Variants in SEC14L3 observed in about 807,000 individuals in gnomAD.
SEC14L3 encodes the protein SEC14-like protein 3.
A neutral mutation model predicts 57.4 loss-of-function variants in SEC14L3; 56 were observed. That is an observed-to-expected ratio of 0.97 (90% CI 0.79 to 1.22). The LOEUF (loss-of-function observed/expected upper bound fraction) is 1.22. Ranked by LOEUF, SEC14L3 falls within the 50% of genes most tolerant of loss-of-function variation. SEC14L3 has a pLI of 0.00. For missense variants in SEC14L3, 485 were observed against 511.7 expected, an observed-to-expected ratio of 0.95 and a Z score of 0.50; for synonymous variants, 173 against 194.4, an observed-to-expected ratio of 0.89 and a Z score of 0.92.
intron 8 of SEC14L3, among the ~76,000 whole-genome samples, chr22:30,463,016 T>A (rs565470745): frequency 6.6e-6 from 1 of 152,166 alleles, no homozygotes; most frequent in Admixed American, 6.5e-5. Flanking sequence ...ATTACAGGCA[T>A]GAGCCACCAC....
At position 30,461,324 on chromosome 22, in the gene SEC14L3, G is replaced by C; in HGVS notation, c.1067C>G (p.Ser356Ter). ...MVPEDGNLTCSEAGVYVLRFD... is the reference protein window; with the variant it reads ...MVPEDGNLTC ...GGCAGACTTACAGACGCCGGCCTCT[G>C]AGCAGGTGAGGTTCCCATCCTCGGG... The change falls in exon 11 of 12, where the codon TCA (serine) becomes TGA (stop). Residue 356 changes from serine to a stop codon, truncating the protein, a stop_gained. Transcript: ENST00000215812. LOFTEE classifies it high-confidence loss of function. The C allele has an allele frequency of 6.2e-7, 1 of 1,600,508 alleles. No individual in the cohort carries two copies. The highest frequency in any genetic ancestry group is 8.5e-7 in the Non-Finnish European group (1 of 1,173,250).
At chr22:30,448,991 G>A in exon 13 of SEC14L3, 1 of 1,181,376 alleles carries the variant, frequency 8.5e-7, no homozygotes, top group Non-Finnish European at 1.2e-6. Flanking sequence ...AGCATGGCAA[G>A]GCGGTCAGGA....
At chr22:30,449,113 G>A in exon 13 of SEC14L3, 1 of 1,550,532 alleles carries the variant, frequency 6.4e-7, no homozygotes, top group South Asian at 1.2e-5. Flanking sequence ...AGGGGTAAAG[G>A]CCTACTTAGC....
At chr22:30,454,831 A>G (rs1417751499), downstream of SEC14L3, among the ~76,000 whole-genome samples, 1 of 34,082 alleles carries the variant, frequency 2.9e-5, no homozygotes, top group South Asian at 1.8e-3. Flanking sequence ...ATAATATAAT[A>G]TATAATAATA....
intron 12 of SEC14L3, among the ~76,000 whole-genome samples, chr22:30,449,824 C>T (rs1303418298): frequency 1.3e-5 from 2 of 152,164 alleles, no homozygotes; most frequent in African/African-American, 2.4e-5. Flanking sequence ...CTTGGCCTCC[C>T]AAAGTGTTGG....
rs1488008719 is a variant in SEC14L3, at chr22:30,460,048, T to G, written c.1176A>C (p.Lys392Asn). ...EVLLPDEGMQ[K>N]YDKELTPV ...AGACAGGGGTGAGCTCCTTATCATA[T>G]TTCTGCATGCCCTCGTCAGGGAGCA... The change falls in exon 12 of 12, where the codon AAA (lysine) becomes AAC (asparagine). Residue 392 changes from lysine to asparagine, a missense_variant. By Grantham distance (94) the Lys-to-Asn change is moderately conservative. Coordinates refer to ENST00000215812, the MANE Select transcript of SEC14L3 (RefSeq NM_174975.5). 1 of 1,614,138 alleles carries G rather than the reference T, an allele frequency of 6.2e-7. No individual in the cohort carries two copies. Among genetic ancestry groups the G allele is most frequent in the Non-Finnish European group, 8.5e-7 (1 of 1,180,014 alleles).
chr22:30,461,977 C>T (rs1935282259), intron 9 of SEC14L3, 109 bp downstream of exon 9: 1 of 1,221,688 alleles, frequency 8.2e-7, no homozygotes. Flanking sequence ...TAGCTTAACA[C>T]CCAGTTCTTG....
In SEC14L3 at chr22:30,460,026, C is replaced by G; in HGVS notation, c.1198G>C (p.Val400Leu). 1.2e-6 allele frequency: 2 copies of G among 1,614,052 alleles called. No individual in the cohort carries two copies. The highest frequency in any genetic ancestry group is 8.5e-7 in the Non-Finnish European group (1 of 1,179,936). ...MQKYDKELTPV is the reference protein window; with the variant it reads ...MQKYDKELTPL Reference sequence around the variant, plus strand: ...CTGAGAAATGAGGGAGCCACCTAGACAGGGGTGAGCTCCTTATCATATTTC... The same window carrying G: ...CTGAGAAATGAGGGAGCCACCTAGAGAGGGGTGAGCTCCTTATCATATTTC... The change falls in exon 12 of 12, where the codon GTC becomes CTC. Residue 400 changes from valine (V) to leucine (L), a missense_variant. Coordinates refer to ENST00000215812, the MANE Select transcript of SEC14L3 (RefSeq NM_174975.5).
chr22:30,454,741 AATATTATTAT>A (rs1172518075), downstream of SEC14L3, among the ~76,000 whole-genome samples: 1 of 71,514 alleles, frequency 1.4e-5, no homozygotes, highest in Non-Finnish European at 2.3e-5. Flanking sequence ...AATATATAAT[AATATTATTAT>A]ATATAATATA....
chr22:30,466,927 C>G, intron 6 of SEC14L3, 55 bp downstream of exon 6: 2 of 1,543,712 alleles, frequency 1.3e-6, no homozygotes, highest in Non-Finnish European at 1.8e-6. Flanking sequence ...TGGGTCATGG[C>G]AGGCCAAGCT....
In SEC14L3 at chr22:30,462,118, C is replaced by G. The variant is rs747672941; in HGVS notation, c.739G>C (p.Asp247His). The G allele has an allele frequency of 5.0e-6, 8 of 1,614,052 alleles. No individual in the cohort carries two copies. The Admixed American group carries it at 1.2e-4, about 24-fold the overall frequency. The change falls in exon 9 of 12, where the codon GAC (aspartate) becomes CAC (histidine). Residue 247 changes from aspartate to histidine, a missense_variant. Coordinates refer to ENST00000215812, the MANE Select transcript of SEC14L3 (RefSeq NM_174975.5). ...LPAQFGGTLTDPDGNPKCLTK... is the reference protein window; with the variant it reads ...LPAQFGGTLTHPDGNPKCLTK... ...AAACATTTGGGGTTCCCATCTGGGTCAGTCAGGGTGCCCCCAAACTGGGCA... is the reference window on the plus strand; with the variant it reads ...AAACATTTGGGGTTCCCATCTGGGTGAGTCAGGGTGCCCCCAAACTGGGCA...
At position 30,461,634 on chromosome 22, in the gene SEC14L3, A is replaced by G. The variant is rs763719097; in HGVS notation, c.832T>C (p.Tyr278His). The G allele has an allele frequency of 6.2e-6, 10 of 1,613,968 alleles. No individual in the cohort carries two copies. Among genetic ancestry groups the G allele is most frequent in the Non-Finnish European group, 8.5e-6 (10 of 1,179,982 alleles). The change falls in exon 10 of 12, where the codon TAC (tyrosine) becomes CAC (histidine). Residue 278 changes from tyrosine (Y) to histidine (H), a missense_variant. Physicochemically the swap from Tyr to His is moderately conservative, Grantham distance 83 (BLOSUM62 2). Coordinates refer to ENST00000215812, the MANE Select transcript of SEC14L3 (RefSeq NM_174975.5). ...MYVRDQVKTQ[Y>H]EHSVQINRGS... ...CGGTTGATCTGCACCGAGTGCTCGT[A>G]CTGAGTCTTCACCTGGTCCCGCACG...
chr22:30,451,900 G>A (rs922695920), intron 12 of SEC14L3, among the ~76,000 whole-genome samples: 5 of 145,236 alleles, frequency 3.4e-5, no homozygotes, highest in Non-Finnish European at 5.9e-5. Context: ...GCTGAGGCAC[G>A]AGAATGGCTT....
At chr22:30,463,401 G>C (rs1375166240) in intron 8 of SEC14L3, among the ~76,000 whole-genome samples, 1 of 152,186 alleles carries the variant, frequency 6.6e-6, no homozygotes, top group Admixed American at 6.5e-5. Flanking sequence ...GGTATTAAGG[G>C]GAAGACCACA....
chr22:30,452,147 G>A (rs989407749), intron 12 of SEC14L3, among the ~76,000 whole-genome samples: 1 of 151,636 alleles, frequency 6.6e-6, no homozygotes, highest in Non-Finnish European at 1.5e-5. Flanking sequence ...TTTCCACCGC[G>A]TGTTTCATAC....
chr22:30,470,220 G>A lies in SEC14L3; in HGVS notation c.166C>T (p.Leu56Phe). The A allele has an allele frequency of 6.2e-7, 1 of 1,614,038 alleles. No homozygotes were observed. The highest frequency in any genetic ancestry group is 8.5e-7 in the Non-Finnish European group (1 of 1,179,980). ...NFDLQKSEALLRKYMEFRKTM... is the reference protein window; with the variant it reads ...NFDLQKSEALFRKYMEFRKTM... ...GAGTGGATAGGTCTCACCTTGCGGAGCAAAGCCTCCGACTTCTGCAAGTCA... is the reference window on the plus strand; with the variant it reads ...GAGTGGATAGGTCTCACCTTGCGGAACAAAGCCTCCGACTTCTGCAAGTCA... Residue 56 changes from leucine (L) to phenylalanine (F), a missense_variant, in exon 3 of 12, where the codon CTC becomes TTC. Coordinates refer to ENST00000215812, the MANE Select transcript of SEC14L3 (RefSeq NM_174975.5).
rs574879012 is a variant in SEC14L3 at position 30,453,604 on chromosome 22, G to T, written c.905-4360C>A. Among the ~76,000 whole-genome samples the T allele has an allele frequency of 4.6e-5, 7 of 152,216 alleles. No homozygotes were observed. In the East Asian group the frequency reaches 1.4e-3, roughly 29 times the overall value. ...ATTCTTGTATTTTTAGTAGAGGCAGGGTTTCATCATGTTGGCCAGGCTGGT... is the reference window on the plus strand; with the variant it reads ...ATTCTTGTATTTTTAGTAGAGGCAGTGTTTCATCATGTTGGCCAGGCTGGT... On this transcript the variant is annotated intron_variant, in intron 12 of 12. Transcript: ENST00000403066.
At chr22:30,454,607 T>TAAC (rs1935053980), downstream of SEC14L3, among the ~76,000 whole-genome samples, 7 of 115,446 alleles carry the variant, frequency 6.1e-5, no homozygotes, top group Non-Finnish European at 8.4e-5. Flanking sequence ...TAATCTATAA[T>TAAC]ATTATTAGAT....
chr22:30,449,210 A>G, exon 13 of SEC14L3: 1 of 1,550,606 alleles, frequency 6.4e-7, no homozygotes, highest in Non-Finnish European at 8.7e-7. Context: ...TCACGGGCAG[A>G]TGACAGCAAG....
Sources: allele counts gnomAD v4.1 joint callset (sites outside exome capture counted in the v4.1 genomes callset), GRCh38; gene constraint gnomAD v4.1.1; transcripts MANE v1.5; gene names NCBI Gene and HGNC (gene_info 2026-07-23, HGNC 2026-07-21).